The following EIF2AK4 variants were observed in gnomAD, a reference collection of about 807,000 sequenced individuals.
EIF2AK4 encodes the protein eukaryotic translation initiation factor 2 alpha kinase 4.
EIF2AK4 carries 139 observed loss-of-function variants against 211.1 expected under a neutral mutation model. The observed-to-expected ratio is 0.66, with a 90% confidence interval of 0.57 to 0.76. The LOEUF is 0.76. EIF2AK4 is among the 30% of genes least tolerant of loss of function. The probability of loss-of-function intolerance (pLI) is 0.00; values close to 1 mark genes in which losing one functional copy is unlikely to be tolerated. For missense variants in EIF2AK4, 1,664 were observed against 2,043.8 expected, an observed-to-expected ratio of 0.81 and a Z score of 3.58; for synonymous variants, 710 against 751.3, an observed-to-expected ratio of 0.94 and a Z score of 0.90.
Position 40,016,518 on chromosome 15 carries a change from A to G in EIF2AK4, c.3776A>G (p.Lys1259Arg), listed in dbSNP as rs775655202. ...LSSNSLCRLYKFIEQKGDLQD... is the reference protein window; with the variant it reads ...LSSNSLCRLYRFIEQKGDLQD... ...GCTTTCCAGCTGTGTCGACTCTACA[A>G]GTTTATTGAACAGAAGGGAGATTTG... Residue 1259 changes from lysine (K) to arginine (R), a missense_variant, in exon 28 of 39, where the codon AAG becomes AGG. Coordinates refer to ENST00000263791, the MANE Select transcript of EIF2AK4 (RefSeq NM_001013703.4). 10 of 1,614,176 alleles carry G rather than the reference A, an allele frequency of 6.2e-6. No individual in the cohort carries two copies. The East Asian group carries it at 1.6e-4, about 25-fold the overall frequency.
intron 1 of EIF2AK4, among the ~76,000 whole-genome samples, chr15:39,937,310 T>C (rs546315409): frequency 6.6e-6 from 1 of 152,300 alleles, no homozygotes; most frequent in East Asian, 1.9e-4. Context: ...GCCACATAAA[T>C]GAAACATATC....
At chr15:39,936,672 G>A (rs890688173) in intron 1 of EIF2AK4, among the ~76,000 whole-genome samples, 2 of 152,138 alleles carry the variant, frequency 1.3e-5, no homozygotes, top group Non-Finnish European at 2.9e-5. Context: ...GCCTCCCAAA[G>A]TCCTGGGATT....
intron 29 of EIF2AK4, among the ~76,000 whole-genome samples, chr15:40,018,036 T>G (rs998921148): frequency 1.3e-5 from 2 of 152,194 alleles, no homozygotes; most frequent in African/African-American, 2.4e-5. Flanking sequence ...TGTAGAAACT[T>G]TATCTCCCTG....
Position 39,978,925 on chromosome 15 carries a change from A to G in EIF2AK4, c.2319+778A>G, listed in dbSNP as rs189884534. On this transcript the variant is annotated intron_variant, in intron 13 of 38. Coordinates refer to ENST00000263791, the MANE Select transcript of EIF2AK4 (RefSeq NM_001013703.4). ...CTGATCTCCAGGTTGTGAAAACTAT[A>G]ATTAAAAAGTCACTACACAGAAAAG... Among the ~76,000 whole-genome samples, 491 of 152,330 alleles carry G rather than the reference A, an allele frequency of 3.2e-3. 2 individuals carry two copies. The highest frequency in any genetic ancestry group is 4.7e-3 in the Non-Finnish European group (320 of 68,020).
chr15:39,944,771 C>T (rs1009382412), intron 3 of EIF2AK4, among the ~76,000 whole-genome samples: 11 of 152,272 alleles, frequency 7.2e-5, no homozygotes, highest in African/African-American at 1.9e-4. Context: ...GAGGTGCCCT[C>T]GGCTTCCATG....
chr15:39,975,394 T>C (rs1340989880), intron 11 of EIF2AK4: 1 of 152,242 alleles, frequency 6.6e-6, no homozygotes, highest in African/African-American at 2.4e-5. Flanking sequence ...TAGACTTTTA[T>C]TAGTTTAATT....
At chr15:40,008,004 GA>G in intron 24 of EIF2AK4, 22 bp from the exon 25 acceptor site, 1 of 1,486,794 alleles carries the variant, frequency 6.7e-7, no homozygotes, top group Non-Finnish European at 9.0e-7. Flanking sequence ...AATGACCTTA[GA>G]AATCTGGGTT....
At position 39,992,863 on chromosome 15, in the gene EIF2AK4, G is replaced by C. The variant is rs1218868492; in HGVS notation, c.2766+15G>C. On this transcript the variant is annotated intron_variant, in intron 18 of 38. Coordinates refer to ENST00000263791, the MANE Select transcript of EIF2AK4 (RefSeq NM_001013703.4). ...CATACAACCAGGTAAGAGGTTTTGT[G>C]GGGAAAAGGAATCTCAAAATTAAGG... 6.2e-7 allele frequency: 1 copy of C among 1,612,790 alleles called. No individual in the cohort carries two copies. The highest frequency in any genetic ancestry group is 1.3e-5 in the African/African-American group (1 of 74,968).
rs796434497 is a variant in EIF2AK4, at chr15:40,006,438, T to G, written c.3358-578T>G. ...TCAGCTCCCATTCTATAAGCTGATATTGAAATGCAAAAAATTAAAAAGTGA... is the reference window on the plus strand; with the variant it reads ...TCAGCTCCCATTCTATAAGCTGATAGTGAAATGCAAAAAATTAAAAAGTGA... On this transcript the variant is annotated intron_variant, in intron 23 of 38. Coordinates refer to ENST00000263791, the MANE Select transcript of EIF2AK4 (RefSeq NM_001013703.4). Among the ~76,000 whole-genome samples the G allele has an allele frequency of 4.5e-4, 68 of 152,312 alleles. 2 individuals are homozygous for G. Among genetic ancestry groups the G allele is most frequent in the African/African-American group, 1.6e-3 (67 of 41,572 alleles).
chr15:39,967,379 A>G lies in EIF2AK4; in HGVS notation c.1053A>G (p.Val351=), dbSNP rs1465891908. Residue 351 remains valine, a synonymous_variant, in exon 9 of 39, where the codon GTA becomes GTG. Transcript: ENST00000263791. ...CAGAAACAGAATTCAACTCACTGGT[A>G]AAATTGAGCCATCCAAATGTAGTAC... is the stretch of plus-strand genomic sequence containing the variant. ...QGTETEFNSL[V]KLSHPNVVRY... 4 of 1,604,446 alleles carry G rather than the reference A, an allele frequency of 2.5e-6. No individual in the cohort carries two copies. In the African/African-American group the frequency reaches 4.0e-5, roughly 16 times the overall value.
intron 2 of EIF2AK4, among the ~76,000 whole-genome samples, chr15:39,941,663 G>T (rs1395612463): frequency 6.6e-6 from 1 of 152,140 alleles, no homozygotes; most frequent in South Asian, 2.1e-4. Context: ...CTAGAGTGAG[G>T]TTTCTCCACC....
chr15:39,968,705 C>T (rs539074459), intron 9 of EIF2AK4, among the ~76,000 whole-genome samples: 2 of 152,064 alleles, frequency 1.3e-5, no homozygotes, highest in Non-Finnish European at 2.9e-5. Context: ...TCACTTCTTC[C>T]ATTTGCAACA....
chr15:40,010,555 A>G (rs1490763730), intron 26 of EIF2AK4, among the ~76,000 whole-genome samples: 1 of 152,194 alleles, frequency 6.6e-6, no homozygotes, highest in Non-Finnish European at 1.5e-5. Flanking sequence ...ATGTTTTCTA[A>G]TATCTTTTCA....
intron 15 of EIF2AK4, 44 bp downstream of exon 15, chr15:39,988,149 A>G (rs756830056): frequency 1.9e-6 from 3 of 1,603,428 alleles, no homozygotes; most frequent in Admixed American, 1.7e-5. Flanking sequence ...ATGTTTACAT[A>G]AATTTATGAC....
intron 6 of EIF2AK4, among the ~76,000 whole-genome samples, chr15:39,960,089 G>A (rs558720258): frequency 5.9e-5 from 9 of 151,650 alleles, no homozygotes; most frequent in South Asian, 2.1e-4. Flanking sequence ...GTGTGAACCC[G>A]GGAGGCGGAG....
intron 19 of EIF2AK4, 69 bp downstream of exon 19, chr15:39,997,134 A>T (rs1232476038): frequency 8.6e-7 from 1 of 1,157,446 alleles, no homozygotes; most frequent in Non-Finnish European, 1.3e-6. Context: ...TCAGAATTCA[A>T]AGCAGGATAT....
At chr15:40,022,815 G>A (rs2035411174) in intron 32 of EIF2AK4, among the ~76,000 whole-genome samples, 1 of 151,920 alleles carries the variant, frequency 6.6e-6, no homozygotes, top group Admixed American at 6.6e-5. Flanking sequence ...CTCACTGCAA[G>A]CTCCGCCTCC....
rs926473899 is a variant in EIF2AK4 at position 39,934,190 on chromosome 15, G to T, written c.-6G>T. On this transcript the variant is annotated 5_prime_UTR_variant, in exon 1 of 39. Coordinates refer to ENST00000263791, the MANE Select transcript of EIF2AK4 (RefSeq NM_001013703.4). ...AAGGCCGCCCTGCCTTGGGCGCAGC[G>T]CTGCCATGGCTGGGGGCCGTGGGGC... 43 of 1,534,864 alleles carry T rather than the reference G, an allele frequency of 2.8e-5. No individual in the cohort carries two copies. The highest frequency in any genetic ancestry group is 3.7e-5 in the Non-Finnish European group (42 of 1,142,910).
Position 39,973,702 on chromosome 15 carries a change from G to C in EIF2AK4, c.1771G>C (p.Glu591Gln). Residue 591 changes from glutamate (E) to glutamine (Q), a missense_variant, in exon 11 of 39, where the codon GAA becomes CAA. By Grantham distance (29) the Glu-to-Gln change is conservative. Coordinates refer to ENST00000263791, the MANE Select transcript of EIF2AK4 (RefSeq NM_001013703.4). ...RQFSRYFIEFEELQLLGKGAF... is the reference protein window; with the variant it reads ...RQFSRYFIEFQELQLLGKGAF... ...GTTTTCCCGATACTTCATTGAGTTTGAAGAATTACAACTTCTTGGTAAAGG... is the reference window on the plus strand; with the variant it reads ...GTTTTCCCGATACTTCATTGAGTTTCAAGAATTACAACTTCTTGGTAAAGG... 4 of 1,614,182 alleles carry C rather than the reference G, an allele frequency of 2.5e-6. No homozygotes were observed. The highest frequency in any genetic ancestry group is 3.4e-6 in the Non-Finnish European group (4 of 1,180,012).
Sources: gnomAD v4.1 joint callset for allele counts (sites outside exome capture counted in the v4.1 genomes callset) on GRCh38, gnomAD v4.1.1 for gene constraint, MANE v1.5 for transcripts, NCBI Gene and HGNC (gene_info 2026-07-23, HGNC 2026-07-21) for gene names.